PRMT7: variants seen among roughly 807,000 people sequenced by gnomAD.
PRMT7 encodes protein arginine N-methyltransferase 7.
A neutral mutation model predicts 85.4 loss-of-function variants in PRMT7; 75 were observed. The ratio of observed to expected loss-of-function variants is 0.88; its 90% CI spans 0.73 to 1.06. The LOEUF (loss-of-function observed/expected upper bound fraction) is 1.06. PRMT7 is among the 50% of genes least tolerant of loss of function. PRMT7 has a pLI of 0.00. For missense variants in PRMT7, 868 were observed against 915.2 expected, an observed-to-expected ratio of 0.95 and a Z score of 0.67; for synonymous variants, 397 against 359.5, an observed-to-expected ratio of 1.10 and a Z score of -1.18.
At chr16:68,343,224 A>G (rs1232288305) in intron 9 of PRMT7, among the ~76,000 whole-genome samples, 2 of 151,866 alleles carry the variant, frequency 1.3e-5, no homozygotes. Flanking sequence ...AAAAGTTAGT[A>G]CTTTTAATTT....
At chr16:68,356,161 C>CT (rs2088410900) in intron 17 of PRMT7, among the ~76,000 whole-genome samples, 2 of 152,224 alleles carry the variant, frequency 1.3e-5, no homozygotes. Context: ...TGGGAGCTTA[C>CT]TTCCTGTGGT....
In PRMT7 at chr16:68,339,535, G is replaced by A; in HGVS notation, c.718G>A (p.Val240Ile). ...CCAGGTGTCACCAGCCGACTTTACA[G>A]TCCTCAGCGATGTGCTGCCCATGTT... ...LNQVSPADFT[V>I]LSDVLPMFSI... The change falls in exon 8 of 19, where the codon GTC becomes ATC. Residue 240 changes from valine to isoleucine, a missense_variant. Physicochemically the swap from Val to Ile is conservative, Grantham distance 29 (BLOSUM62 3). Transcript: ENST00000441236. 1 of 1,614,014 alleles carries A rather than the reference G, an allele frequency of 6.2e-7. No homozygotes were observed. Among genetic ancestry groups the A allele is most frequent in the African/African-American group, 1.3e-5 (1 of 75,048 alleles).
intron 6 of PRMT7, among the ~76,000 whole-genome samples, chr16:68,332,798 A>G (rs1438718979): frequency 6.6e-6 from 1 of 152,178 alleles, no homozygotes; most frequent in Non-Finnish European, 1.5e-5. Flanking sequence ...TGGTCTGGAA[A>G]GGGTCTCCTG....
downstream of PRMT7, chr16:68,360,832 G>A (rs138328380): frequency 1.4e-5 from 3 of 211,332 alleles, no homozygotes; most frequent in Admixed American, 5.3e-5. Flanking sequence ...CATGCGAGAC[G>A]ACATTGGCAG....
chr16:68,317,695 C>T (rs904454483), intron 3 of PRMT7, among the ~76,000 whole-genome samples: 2 of 151,472 alleles, frequency 1.3e-5, no homozygotes, highest in Admixed American at 6.6e-5. Context: ...GGTGTGGTGG[C>T]GCATGCATGC....
chr16:68,355,560 A>C, intron 16 of PRMT7, 163 bp from the exon 17 acceptor site: 2 of 623,208 alleles, frequency 3.2e-6, no homozygotes, highest in Non-Finnish European at 4.9e-6. Context: ...ATGAGAGAGA[A>C]GTGGCAGAGA....
chr16:68,324,694 C>G lies in PRMT7; in HGVS notation c.144C>G (p.Tyr48Ter). The change falls in exon 5 of 19, where the codon TAC becomes TAG. Residue 48 changes from tyrosine (Y) to a stop codon, truncating the protein, a stop_gained. Coordinates refer to ENST00000441236, the MANE Select transcript of PRMT7 (RefSeq NM_019023.5). LOFTEE classifies it high-confidence loss of function. ...MLHDKDRNVK[Y>*]YQGIRAAVSR... ...CATGTCTTCCTTAGAATGTAAAATA[C>G]TACCAAGGTATCCGGGCTGCCGTGA... 6.2e-7 allele frequency: 1 copy of G among 1,614,224 alleles called. No homozygotes were observed. Among genetic ancestry groups the G allele is most frequent in the South Asian group, 1.1e-5 (1 of 91,084 alleles).
rs200093947 is a variant in PRMT7, at chr16:68,339,880, C to T, written c.839C>T (p.Ser280Leu). Residue 280 changes from serine (S) to leucine (L), a missense_variant, in exon 9 of 19, where the codon TCG (serine) becomes TTG (leucine). By Grantham distance (145) the Ser-to-Leu change is moderately radical. Coordinates refer to ENST00000441236, the MANE Select transcript of PRMT7 (RefSeq NM_019023.5). ...LTSGRAQVVL[S>L]WWDIEMDPEG... ...TCTGGCCGAGCTCAGGTGGTTCTCT[C>T]GTGGTGGGACATTGAAATGGACCCT... The T allele has an allele frequency of 5.6e-6, 9 of 1,614,176 alleles. No individual in the cohort carries two copies. Among genetic ancestry groups the T allele is most frequent in the Admixed American group, 1.7e-5 (1 of 60,020 alleles).
In PRMT7 at chr16:68,315,897, AT is replaced by A; in HGVS notation, c.-80del. The stretch of plus-strand genomic sequence containing the variant: ...TCCTGTTTCCTTCTGATGTTAATAG[AT>A]TTCTGACAGTCAGACTTGTCCACAA... On this transcript the variant is annotated splice_region_variant and 5_prime_UTR_variant, in exon 3 of 19. Transcript: ENST00000441236. 8.8e-7 allele frequency: 1 copy of A among 1,138,844 alleles called. No homozygotes were observed. The highest frequency in any genetic ancestry group is 1.3e-5 in the South Asian group (1 of 77,898). The allele number at this position is 1,138,844 out of a possible 1,614,324, so 70.5% of individuals were successfully genotyped here.
intron 9 of PRMT7, among the ~76,000 whole-genome samples, chr16:68,342,076 G>T (rs958106796): frequency 6.6e-6 from 1 of 152,050 alleles, no homozygotes; most frequent in Admixed American, 6.6e-5. Flanking sequence ...TCAGGAGTTC[G>T]AGACCAGCCT....
Position 68,344,169 on chromosome 16 carries a change from A to G in PRMT7, c.928-1506A>G, listed in dbSNP as rs1318282337. Among the ~76,000 whole-genome samples, 8 of 152,224 alleles carry G rather than the reference A, an allele frequency of 5.3e-5. No individual in the cohort carries two copies. In the South Asian group the frequency reaches 1.7e-3, roughly 32 times the overall value. ...TTTTGTAGAAATGGGTGTCACTGGT[A>G]TGTTACCCAGGCTGGTCCCGTACAC... is the stretch of plus-strand genomic sequence containing the variant. On this transcript the variant is annotated intron_variant, in intron 9 of 18. Coordinates refer to ENST00000441236, the MANE Select transcript of PRMT7 (RefSeq NM_019023.5).
intron 12 of PRMT7, 61 bp downstream of exon 12, chr16:68,347,355 G>A: frequency 6.9e-7 from 1 of 1,454,224 alleles, no homozygotes; most frequent in Non-Finnish European, 9.3e-7. Flanking sequence ...GCATTGCGTG[G>A]TCCGGGTGCA....
chr16:68,329,516 C>T (rs2083559174), intron 6 of PRMT7: 1 of 177,818 alleles, frequency 5.6e-6, no homozygotes, highest in Non-Finnish European at 1.2e-5. Context: ...ACGATACTGC[C>T]ACTGCTCAAA....
At chr16:68,354,895 C>T (rs929144090) in intron 16 of PRMT7, 1 of 152,402 alleles carries the variant, frequency 6.6e-6, no homozygotes, top group Admixed American at 6.5e-5. Flanking sequence ...TTCCAGTGCC[C>T]TGTCTTAGAC....
At chr16:68,341,781 G>A (rs909676355) in intron 9 of PRMT7, among the ~76,000 whole-genome samples, 3 of 152,184 alleles carry the variant, frequency 2.0e-5, no homozygotes, top group African/African-American at 7.2e-5. Context: ...AGACAGAAAC[G>A]TAAAAACCCG....
intron 5 of PRMT7, among the ~76,000 whole-genome samples, chr16:68,327,439 A>C (rs7201539): frequency 0.033 from 5,042 of 152,190 alleles, 266 homozygotes; most frequent in African/African-American, 0.11. Flanking sequence ...TGGGGGATTC[A>C]TGCTGCCCTG....
intron 3 of PRMT7, among the ~76,000 whole-genome samples, chr16:68,317,521 CACAA>C (rs962261545): frequency 4.3e-4 from 65 of 152,058 alleles, no homozygotes; most frequent in African/African-American, 1.2e-3. Context: ...AACACTGTCT[CACAA>C]ACAAACAAAG....
intron 15 of PRMT7, 60 bp from the exon 16 acceptor site, chr16:68,353,432 C>G: frequency 1.2e-6 from 2 of 1,605,416 alleles, no homozygotes; most frequent in East Asian, 4.5e-5. Context: ...CTTGTTCTTG[C>G]TGCCACGCTT....
intron 6 of PRMT7, among the ~76,000 whole-genome samples, chr16:68,330,847 G>A (rs145694008): frequency 0.015 from 2,311 of 152,150 alleles, 42 homozygotes; most frequent in South Asian, 0.074. Flanking sequence ...AGCCTGCCTC[G>A]GCCTCCGAAA....
Sources: gnomAD v4.1 joint callset for allele counts (sites outside exome capture counted in the v4.1 genomes callset) on GRCh38, gnomAD v4.1.1 for gene constraint, MANE v1.5 for transcripts, NCBI Gene and HGNC (gene_info 2026-07-23, HGNC 2026-07-21) for gene names.